The following SLC35F4 variants were observed in gnomAD, a reference collection of about 807,000 sequenced individuals.
SLC35F4 encodes chromosome 14 open reading frame 36.
In SLC35F4, 24 loss-of-function variants were observed where a neutral mutation model predicts 44.2. The observed-to-expected ratio is 0.54, with a 90% confidence interval of 0.39 to 0.76. SLC35F4 has a LOEUF of 0.76. Ranked by LOEUF, SLC35F4 falls within the 30% of genes least tolerant of loss-of-function variation. The pLI, the probability that SLC35F4 is intolerant of heterozygous loss-of-function variation, is 0.00. For missense variants in SLC35F4, 562 were observed against 586.1 expected (o/e 0.96, Z 0.42); for synonymous variants, 238 against 223.6 (o/e 1.06, Z -0.57).
intron 1 of SLC35F4, among the ~76,000 whole-genome samples, chr14:57,644,150 G>T (rs1389968021): frequency 6.6e-6 from 1 of 152,130 alleles, no homozygotes; most frequent in South Asian, 2.1e-4. Flanking sequence ...GGATGGCTGG[G>T]TCAAATGGTA....
chr14:57,649,495 T>C (rs934278824), intron 1 of SLC35F4, among the ~76,000 whole-genome samples: 2 of 152,158 alleles, frequency 1.3e-5, no homozygotes, highest in Non-Finnish European at 2.9e-5. Context: ...TGTGATTACC[T>C]TGGGCACATG....
At chr14:57,685,052 A>G (rs886931569) in intron 1 of SLC35F4, among the ~76,000 whole-genome samples, 1 of 152,212 alleles carries the variant, frequency 6.6e-6, no homozygotes, top group Admixed American at 6.5e-5. Context: ...TATTTCTTCC[A>G]GAAATTTGGA....
At chr14:57,595,735 C>A (rs769002991) in intron 1 of SLC35F4, 1 of 152,144 alleles carries the variant, frequency 6.6e-6, no homozygotes, top group Non-Finnish European at 1.5e-5. Flanking sequence ...TACTGAGTAC[C>A]TTTGATTTGT....
At chr14:57,751,751 T>C (rs1304342515) in intron 1 of SLC35F4, among the ~76,000 whole-genome samples, 3 of 152,216 alleles carry the variant, frequency 2.0e-5, no homozygotes, top group Non-Finnish European at 4.4e-5. Flanking sequence ...ATGGTGGCTA[T>C]GTTAAAAATT....
chr14:57,731,262 C>A (rs972202031), intron 1 of SLC35F4, among the ~76,000 whole-genome samples: 2 of 152,116 alleles, frequency 1.3e-5, no homozygotes, highest in African/African-American at 4.8e-5. Flanking sequence ...TAAGTGGGTA[C>A]CAAGTTGTGC....
chr14:57,585,027 A>G (rs1358340319), intron 3 of SLC35F4, among the ~76,000 whole-genome samples: 1 of 152,208 alleles, frequency 6.6e-6, no homozygotes, highest in East Asian at 1.9e-4. Flanking sequence ...AAATATCTTT[A>G]GTAATCTCAA....
chr14:57,703,639 C>T (rs1176641855), intron 1 of SLC35F4, among the ~76,000 whole-genome samples: 1 of 152,170 alleles, frequency 6.6e-6, no homozygotes, highest in Non-Finnish European at 1.5e-5. Context: ...TCCTTAAGCA[C>T]GTCTATTTCC....
intron 1 of SLC35F4, among the ~76,000 whole-genome samples, chr14:57,876,942 TCTTTTTCTCTC>T (rs1223081099): frequency 7.9e-5 from 12 of 152,196 alleles, no homozygotes; most frequent in African/African-American, 2.9e-4. Flanking sequence ...TTCCGATAGG[TCTTTTTCTCTC>T]CTTTTTCAGC....
At chr14:57,652,400 A>G (rs2073814181) in intron 1 of SLC35F4, among the ~76,000 whole-genome samples, 2 of 152,132 alleles carry the variant, frequency 1.3e-5, no homozygotes, top group Admixed American at 1.3e-4. Context: ...ATGGGTCCTC[A>G]TTTTGTCCCA....
chr14:57,898,222 G>C (rs1051670778), intron 1 of SLC35F4, among the ~76,000 whole-genome samples: 3 of 152,176 alleles, frequency 2.0e-5, no homozygotes, highest in African/African-American at 7.2e-5. Context: ...GAATAAAAAT[G>C]AATTATCTAA....
At chr14:57,634,607 T>A (rs1433972890) in intron 1 of SLC35F4, among the ~76,000 whole-genome samples, 1 of 152,102 alleles carries the variant, frequency 6.6e-6, no homozygotes, top group Non-Finnish European at 1.5e-5. Flanking sequence ...ACAGGTGAGA[T>A]AAACCTGTAA....
intron 1 of SLC35F4, among the ~76,000 whole-genome samples, chr14:57,878,719 C>A (rs1888454540): frequency 1.3e-5 from 2 of 152,108 alleles, no homozygotes; most frequent in South Asian, 2.1e-4. Flanking sequence ...ACAACAAGGA[C>A]AACCGCATTT....
At chr14:57,581,524 A>G in intron 3 of SLC35F4, 91 bp from the exon 4 acceptor site, 1 of 1,113,500 alleles carries the variant, frequency 9.0e-7, no homozygotes, top group Non-Finnish European at 1.3e-6. Context: ...AGGTAAGAGC[A>G]CAAACACTCA....
At chr14:57,759,907 A>G (rs1013966175) in intron 1 of SLC35F4, among the ~76,000 whole-genome samples, 3 of 144,788 alleles carry the variant, frequency 2.1e-5, no homozygotes, top group Non-Finnish European at 4.5e-5. Flanking sequence ...GCTTTTTGCT[A>G]TCGAGTTTAA....
At chr14:57,751,385 TCTC>T (rs1268867648) in intron 1 of SLC35F4, among the ~76,000 whole-genome samples, 1 of 152,156 alleles carries the variant, frequency 6.6e-6, no homozygotes. Context: ...GCAAGTGAGT[TCTC>T]CTGACTCAGA....
intron 1 of SLC35F4, among the ~76,000 whole-genome samples, chr14:57,717,587 G>C (rs1387786433): frequency 6.6e-6 from 1 of 152,198 alleles, no homozygotes; most frequent in Non-Finnish European, 1.5e-5. Context: ...AGTGAGCCGA[G>C]ATCGCGCCAC....
intron 1 of SLC35F4, among the ~76,000 whole-genome samples, chr14:57,617,851 G>A (rs2071938334): frequency 6.6e-6 from 1 of 152,130 alleles, no homozygotes; most frequent in Non-Finnish European, 1.5e-5. Context: ...CCATTTACAG[G>A]TCGTGATAGT....
chr14:57,749,337 C>T (rs936700056), intron 1 of SLC35F4, among the ~76,000 whole-genome samples: 1 of 152,182 alleles, frequency 6.6e-6, no homozygotes, highest in South Asian at 2.1e-4. Flanking sequence ...TTGGGAGTAA[C>T]CATTCAGAAA....
intron 1 of SLC35F4, among the ~76,000 whole-genome samples, chr14:57,859,968 G>A (rs80162778): frequency 6.6e-6 from 1 of 152,196 alleles, no homozygotes; most frequent in South Asian, 2.1e-4. Flanking sequence ...CAGGTAGAAT[G>A]TTCGAAGGAA....
Sources: allele counts gnomAD v4.1 joint callset (sites outside exome capture counted in the v4.1 genomes callset), GRCh38; gene constraint gnomAD v4.1.1; transcripts MANE v1.5; gene names NCBI Gene and HGNC (gene_info 2026-07-23, HGNC 2026-07-21).